The following HTT variants were observed in gnomAD, a reference collection of about 807,000 sequenced individuals.
HTT encodes huntingtin, also known as huntington disease protein.
In HTT, 104 loss-of-function variants were observed where a neutral mutation model predicts 362.3. The ratio of observed to expected loss-of-function variants is 0.29; its 90% CI spans 0.24 to 0.34. The LOEUF is 0.34. Among genes scored for constraint, HTT ranks in the 10% least tolerant of loss-of-function variants. The pLI, the probability that HTT is intolerant of heterozygous loss-of-function variation, is 1.00. For missense variants in HTT, 3,301 were observed against 3,928.6 expected, an observed-to-expected ratio of 0.84 and a Z score of 4.27; for synonymous variants, 1,577 against 1,548.7, an observed-to-expected ratio of 1.02 and a Z score of -0.43.
chr4:3,173,151 T>C lies in HTT; in HGVS notation c.4166+20T>C. 1 of 1,595,648 alleles carries C rather than the reference T, an allele frequency of 6.3e-7. No homozygotes were observed. The highest frequency in any genetic ancestry group is 8.6e-7 in the Non-Finnish European group (1 of 1,164,224). On this transcript the variant is annotated intron_variant, in intron 31 of 66. Coordinates refer to ENST00000355072, the MANE Select transcript of HTT (RefSeq NM_001388492.1). The stretch of plus-strand genomic sequence containing the variant: ...CTCGGGGTAACAGTTGTGGCAAGAA[T>C]GCTGTCGTTGGTGGAAGCACGAAAG...
chr4:3,172,024 C>T (rs1464795927), intron 29 of HTT, among the ~76,000 whole-genome samples: 1 of 152,164 alleles, frequency 6.6e-6, no homozygotes, highest in Non-Finnish European at 1.5e-5. Flanking sequence ...AATTCCTGCC[C>T]TGCGAACAGG....
intron 16 of HTT, among the ~76,000 whole-genome samples, chr4:3,132,140 G>A (rs1715851382): frequency 6.6e-6 from 1 of 152,228 alleles, no homozygotes. Context: ...AGGCAGCAGT[G>A]GACCCAAGTC....
At chr4:3,220,567 T>G (rs762276039) in intron 53 of HTT, among the ~76,000 whole-genome samples, 1 of 152,204 alleles carries the variant, frequency 6.6e-6, no homozygotes, top group African/African-American at 2.4e-5. Flanking sequence ...GAAAGGTTCA[T>G]GTGTAGTGGA....
chr4:3,221,684 A>G (rs1218734663), intron 53 of HTT, among the ~76,000 whole-genome samples: 2 of 152,188 alleles, frequency 1.3e-5, no homozygotes, highest in Non-Finnish European at 2.9e-5. Flanking sequence ...TGGCTGCCTC[A>G]GACATCATGA....
rs546118307 is a variant in HTT at position 3,176,244 on chromosome 4, G to A, written c.4408-1088G>A. On this transcript the variant is annotated intron_variant, in intron 33 of 66. Coordinates refer to ENST00000355072, the MANE Select transcript of HTT (RefSeq NM_001388492.1). ...AGGTTTCACTGTGTTAGCCAGGATG[G>A]TCTCCATCTCCTGACCTCGTGATCT... Among the ~76,000 whole-genome samples the A allele has an allele frequency of 3.3e-5, 5 of 152,198 alleles. No individual in the cohort carries two copies. The South Asian group carries it at 1.0e-3, about 32-fold the overall frequency.
intron 8 of HTT, 58 bp downstream of exon 8, chr4:3,116,321 C>T (rs932780247): frequency 1.9e-5 from 27 of 1,438,814 alleles, no homozygotes; most frequent in Middle Eastern, 1.8e-4. Flanking sequence ...TTCAAAGAAC[C>T]GATTAATTTG....
chr4:3,078,948 G>A (rs1047725759), intron 1 of HTT, among the ~76,000 whole-genome samples: 1 of 152,136 alleles, frequency 6.6e-6, no homozygotes, highest in Non-Finnish European at 1.5e-5. Flanking sequence ...TGTTAGCCAG[G>A]ATGATCTTGA....
At chr4:3,080,569 A>G (rs1358920522) in intron 1 of HTT, among the ~76,000 whole-genome samples, 4 of 151,984 alleles carry the variant, frequency 2.6e-5, no homozygotes, top group African/African-American at 7.3e-5. Flanking sequence ...TACTTTCTTG[A>G]TAGTGTCTTT....
chr4:3,158,576 G>T (rs1395760074), intron 28 of HTT, among the ~76,000 whole-genome samples: 1 of 152,072 alleles, frequency 6.6e-6, no homozygotes, highest in African/African-American at 2.4e-5. Context: ...CATAGCTCTT[G>T]CACATTTCTT....
chr4:3,186,447 G>T (rs1057482480), intron 37 of HTT, 150 bp from the exon 38 acceptor site: 2 of 765,016 alleles, frequency 2.6e-6, no homozygotes, highest in Admixed American at 4.6e-5. Context: ...TGTTTGCTTG[G>T]TTCACCACTG....
chr4:3,075,263 T>C lies in HTT; in HGVS notation c.263+175T>C, dbSNP rs567806262. ...CCCGCCCCCTCCTGGGGCGAGGCCT[T>C]CCCCCACTTCAGCCCCGCTCCCTCA... On this transcript the variant is annotated intron_variant, in intron 1 of 66. Transcript: ENST00000355072. Among the ~76,000 whole-genome samples, 3 of 152,218 alleles carry C rather than the reference T, an allele frequency of 2.0e-5. No homozygotes were observed. In the South Asian group the frequency reaches 6.2e-4, roughly 32 times the overall value.
intron 49 of HTT, chr4:3,213,075 C>T (rs572823337): frequency 3.1e-5 from 7 of 225,718 alleles, no homozygotes; most frequent in South Asian, 7.9e-5. Flanking sequence ...GCTTGTAATT[C>T]GCCCCCAGAA....
intron 49 of HTT, 123 bp from the exon 50 acceptor site, chr4:3,213,835 G>A: frequency 2.6e-6 from 2 of 768,400 alleles, no homozygotes; most frequent in Non-Finnish European, 4.0e-6. Flanking sequence ...CCTTCTGGAA[G>A]GGCAAGGGCA....
rs540144713 is a variant in HTT, at chr4:3,137,388, C to G, written c.2798+1062C>G. 2.6e-5 allele frequency among the ~76,000 whole-genome samples: 4 copies of G among 152,270 alleles called. No individual in the cohort carries two copies. The East Asian group carries it at 7.7e-4, about 29-fold the overall frequency. ...TCCTGCCCCAACTCCTAGGCAGCCACTCATCTATTTTCTGTCCCTTAAGAT... is the reference window on the plus strand; with the variant it reads ...TCCTGCCCCAACTCCTAGGCAGCCAGTCATCTATTTTCTGTCCCTTAAGAT... On this transcript the variant is annotated intron_variant, in intron 21 of 66. Coordinates refer to ENST00000355072, the MANE Select transcript of HTT (RefSeq NM_001388492.1).
At chr4:3,231,390 C>G (rs951662535) in intron 60 of HTT, among the ~76,000 whole-genome samples, 3 of 152,106 alleles carry the variant, frequency 2.0e-5, no homozygotes, top group African/African-American at 7.2e-5. Context: ...CTCTTCCTCC[C>G]GCACCCCCAC....
At position 3,222,418 on chromosome 4, in the gene HTT, T is replaced by C; in HGVS notation, c.7401T>C (p.Thr2467=). 1.2e-6 allele frequency: 2 copies of C among 1,614,138 alleles called. No individual in the cohort carries two copies. Among genetic ancestry groups the C allele is most frequent in the African/African-American group, 1.3e-5 (1 of 75,040 alleles). The change falls in exon 54 of 67, where the codon ACT becomes ACC. Residue 2467 remains threonine, a synonymous_variant. Transcript: ENST00000355072. ...GWTSRTQFEE[T]WATLLGVLVT... ...CCAGTCGTACTCAGTTTGAAGAAAC[T>C]TGGGCCACCCTCCTTGGTGTCCTGG...
At chr4:3,189,427 T>A (rs1050115163) in intron 40 of HTT, among the ~76,000 whole-genome samples, 1 of 152,190 alleles carries the variant, frequency 6.6e-6, no homozygotes, top group Non-Finnish European at 1.5e-5. Context: ...ATATTTACAG[T>A]GGAATATTAT....
chr4:3,163,521 C>T (rs946624446), intron 29 of HTT, among the ~76,000 whole-genome samples: 1 of 152,120 alleles, frequency 6.6e-6, no homozygotes, highest in African/African-American at 2.4e-5. Context: ...CTCTTTGTAC[C>T]TCTGGTAGAA....
chr4:3,229,511 CCCACACACATGTACGCA>C (rs2110295817), intron 59 of HTT, among the ~76,000 whole-genome samples: 1 of 149,924 alleles, frequency 6.7e-6, no homozygotes, highest in African/African-American at 2.5e-5. Context: ...GTGCACACAC[CCCACACACATGTACGCA>C]CCACACACAT....
Sources: allele counts gnomAD v4.1 joint callset (sites outside exome capture counted in the v4.1 genomes callset), GRCh38; gene constraint gnomAD v4.1.1; transcripts MANE v1.5; gene names NCBI Gene and HGNC (gene_info 2026-07-23, HGNC 2026-07-21).